THSD7B: variants seen among roughly 807,000 people sequenced by gnomAD.
THSD7B encodes the protein thrombospondin type 1 domain containing 7B.
In THSD7B, 138 loss-of-function variants were observed where a neutral mutation model predicts 213.6. The observed-to-expected ratio is 0.65, with a 90% confidence interval of 0.56 to 0.74. THSD7B has a LOEUF of 0.74. Ranked by LOEUF, THSD7B falls within the 30% of genes least tolerant of loss-of-function variation. THSD7B has a pLI of 0.00. For synonymous variants in THSD7B, 742 were observed against 687.0 expected, an observed-to-expected ratio of 1.08 and a Z score of -1.25; for missense variants, 1,931 against 1,991.5, an observed-to-expected ratio of 0.97 and a Z score of 0.58.
chr2:137,645,759 A>G (rs1317611712), intron 21 of THSD7B, among the ~76,000 whole-genome samples: 1 of 152,064 alleles, frequency 6.6e-6, no homozygotes, highest in South Asian at 2.1e-4. Context: ...AATTTCATGT[A>G]TGTTACAGTA....
chr2:137,613,374 C>T (rs1682322166), intron 17 of THSD7B, among the ~76,000 whole-genome samples: 1 of 152,150 alleles, frequency 6.6e-6, no homozygotes, highest in African/African-American at 2.4e-5. Flanking sequence ...CCAGAAAGCA[C>T]ATCATCTTGA....
chr2:136,880,258 C>A (rs866065354), intron 1 of THSD7B, among the ~76,000 whole-genome samples: 4 of 152,168 alleles, frequency 2.6e-5, no homozygotes, highest in African/African-American at 9.6e-5. Flanking sequence ...GAAATTATAA[C>A]AAGCTATTTC....
At chr2:137,653,897 A>G (rs1358035607) in intron 21 of THSD7B, among the ~76,000 whole-genome samples, 1 of 151,734 alleles carries the variant, frequency 6.6e-6, no homozygotes, top group Non-Finnish European at 1.5e-5. Flanking sequence ...TCACATATCC[A>G]TGTTGTTAGG....
At position 137,450,836 on chromosome 2, in the gene THSD7B, T is replaced by C; in HGVS notation, c.2960-9T>C. On this transcript the variant is annotated splice_polypyrimidine_tract_variant and intron_variant, in intron 14 of 27. Coordinates refer to ENST00000409968, the MANE Select transcript of THSD7B (RefSeq NM_001316349.2). ...TCAGACTTTCTTCTCTTAAATCTTT[T>C]TCTGTCAGGTTACATTCAAGAAAAA... 1 of 1,583,164 alleles carries C rather than the reference T, an allele frequency of 6.3e-7. No homozygotes were observed. The highest frequency in any genetic ancestry group is 8.6e-7 in the Non-Finnish European group (1 of 1,165,210).
chr2:137,426,956 CAAAT>C (rs914087509), intron 14 of THSD7B, among the ~76,000 whole-genome samples: 2 of 151,610 alleles, frequency 1.3e-5, no homozygotes, highest in Non-Finnish European at 2.9e-5. Flanking sequence ...TAGTGAAAAA[CAAAT>C]AGCCCAATTT....
At chr2:137,444,530 C>T (rs964897908) in intron 14 of THSD7B, among the ~76,000 whole-genome samples, 8 of 151,956 alleles carry the variant, frequency 5.3e-5, no homozygotes, top group East Asian at 3.9e-4. Context: ...ATTATATTCT[C>T]ATAGTACTAA....
intron 15 of THSD7B, among the ~76,000 whole-genome samples, chr2:137,555,310 C>T (rs994860095): frequency 4.6e-5 from 7 of 152,194 alleles, no homozygotes; most frequent in Non-Finnish European, 1.0e-4. Flanking sequence ...GGCAGACTGA[C>T]ACCTCATACG....
chr2:137,016,593 T>C (rs760404824), intron 2 of THSD7B, among the ~76,000 whole-genome samples: 1 of 152,240 alleles, frequency 6.6e-6, no homozygotes, highest in Non-Finnish European at 1.5e-5. Flanking sequence ...TTTCTCATTA[T>C]GTGTTATTTA....
At chr2:137,067,424 G>GT (rs1687402898) in intron 3 of THSD7B, among the ~76,000 whole-genome samples, 1 of 152,058 alleles carries the variant, frequency 6.6e-6, no homozygotes, top group African/African-American at 2.4e-5. Flanking sequence ...TTTCTGTTGT[G>GT]TTTTTTCTTT....
intron 12 of THSD7B, among the ~76,000 whole-genome samples, chr2:137,403,071 G>T (rs970722133): frequency 2.6e-5 from 4 of 152,128 alleles, no homozygotes; most frequent in African/African-American, 4.8e-5. Context: ...CAAAGAAAAT[G>T]CAGGTGATGT....
chr2:137,161,674 G>T (rs1008825150), intron 6 of THSD7B, among the ~76,000 whole-genome samples: 1 of 152,030 alleles, frequency 6.6e-6, no homozygotes, highest in African/African-American at 2.4e-5. Context: ...CCTGGAGAGG[G>T]CCTTGGGCAA....
intron 1 of THSD7B, among the ~76,000 whole-genome samples, chr2:136,862,065 T>C (rs1683265146): frequency 6.6e-6 from 1 of 152,128 alleles, no homozygotes; most frequent in African/African-American, 2.4e-5. Context: ...CCATGGTGAG[T>C]GATCGAGAAA....
chr2:136,819,335 G>A (rs888696033), intron 1 of THSD7B, among the ~76,000 whole-genome samples: 2 of 152,030 alleles, frequency 1.3e-5, no homozygotes, highest in South Asian at 2.1e-4. Context: ...AGGACCTTTG[G>A]AGAATTGTCC....
intron 11 of THSD7B, among the ~76,000 whole-genome samples, chr2:137,273,168 T>G (rs889905003): frequency 2.6e-5 from 4 of 151,878 alleles, no homozygotes; most frequent in Non-Finnish European, 5.9e-5. Context: ...AATTAAAAAT[T>G]TTTTGGTTCT....
chr2:136,973,275 C>T (rs191122810), intron 2 of THSD7B, among the ~76,000 whole-genome samples: 8 of 152,266 alleles, frequency 5.3e-5, no homozygotes, highest in Non-Finnish European at 5.9e-5. Flanking sequence ...TAGCTGACCT[C>T]GCTTTCCTTT....
At chr2:136,857,853 A>G (rs1683200302) in intron 1 of THSD7B, among the ~76,000 whole-genome samples, 1 of 152,208 alleles carries the variant, frequency 6.6e-6, no homozygotes. Context: ...TTCCTCTTTT[A>G]AACTAAATTC....
intron 17 of THSD7B, among the ~76,000 whole-genome samples, chr2:137,581,867 G>T (rs569762179): frequency 3.4e-4 from 51 of 151,862 alleles, no homozygotes; most frequent in African/African-American, 1.2e-3. Context: ...GGAGGCTGAG[G>T]CAGGTGGATC....
At chr2:137,141,594 A>T (rs934883428) in intron 5 of THSD7B, among the ~76,000 whole-genome samples, 1 of 151,886 alleles carries the variant, frequency 6.6e-6, no homozygotes, top group African/African-American at 2.4e-5. Flanking sequence ...CCTGGTTTTG[A>T]TATTGTATTC....
intron 2 of THSD7B, among the ~76,000 whole-genome samples, chr2:137,041,557 AAC>A (rs1439977881): frequency 1.3e-5 from 2 of 150,696 alleles, no homozygotes; most frequent in African/African-American, 2.4e-5. Flanking sequence ...TAAAATACAT[AAC>A]ACATATATAC....
Sources: gnomAD v4.1 joint callset for allele counts (sites outside exome capture counted in the v4.1 genomes callset) on GRCh38, gnomAD v4.1.1 for gene constraint, MANE v1.5 for transcripts, NCBI Gene and HGNC (gene_info 2026-07-23, HGNC 2026-07-21) for gene names.